LSM14A: variants seen among roughly 807,000 people sequenced by gnomAD.
The protein encoded by LSM14A is LSM14A mRNA processing body assembly factor, also known as protein LSM14 homolog A.
In LSM14A, 14 loss-of-function variants were observed where a neutral mutation model predicts 52.4. The ratio of observed to expected loss-of-function variants is 0.27; its 90% confidence interval spans 0.18 to 0.42. The LOEUF (loss-of-function observed/expected upper bound fraction) is 0.42. Ranked by LOEUF, LSM14A falls within the 10% of genes least tolerant of loss-of-function variation. The pLI, the probability that LSM14A is intolerant of heterozygous loss-of-function variation, is 1.00. For missense variants in LSM14A, 417 were observed against 581.8 expected (o/e 0.72, Z 2.91); for synonymous variants, 185 against 200.3 (o/e 0.92, Z 0.64).
intron 6 of LSM14A, among the ~76,000 whole-genome samples, chr19:34,216,705 A>C (rs1395352235): frequency 6.6e-6 from 1 of 151,660 alleles, no homozygotes; most frequent in Admixed American, 6.6e-5. Flanking sequence ...TTTTCCACCC[A>C]CCTCAGCCTC....
chr19:34,222,393 T>C lies in LSM14A; in HGVS notation c.1368+655T>C, dbSNP rs1181677422. Among the ~76,000 whole-genome samples the C allele has an allele frequency of 3.3e-5, 5 of 152,262 alleles. 1 individual carries two copies. The highest frequency in any genetic ancestry group is 4.1e-4 in the South Asian group (2 of 4,836). ...TGCTAGAGAATTCTGTAACTCTGTATAGTAGCCTTATGTGTATAATGTAGC... is the reference window on the plus strand; with the variant it reads ...TGCTAGAGAATTCTGTAACTCTGTACAGTAGCCTTATGTGTATAATGTAGC... On this transcript the variant is annotated intron_variant, in intron 9 of 9. Transcript: ENST00000544216.
intron 1 of LSM14A, among the ~76,000 whole-genome samples, chr19:34,191,226 C>T (rs769373088): frequency 2.6e-5 from 4 of 152,152 alleles, no homozygotes; most frequent in African/African-American, 4.8e-5. Flanking sequence ...GCTACCCTTT[C>T]AATGTTGTTT....
In LSM14A at chr19:34,216,641, G is replaced by A. The variant is rs576979969; in HGVS notation, c.781+980G>A. Among the ~76,000 whole-genome samples the A allele has an allele frequency of 7.6e-3, 1,151 of 152,104 alleles. 7 individuals are homozygous for A. The highest frequency in any genetic ancestry group is 9.6e-3 in the Non-Finnish European group (652 of 68,010). ...TACCCAGCTAATTTTTGTATTTTTA[G>A]TAGAAACAGGGCTTTGCCATGTTGG... is the stretch of plus-strand genomic sequence containing the variant. On this transcript the variant is annotated intron_variant, in intron 6 of 9. Transcript: ENST00000544216.
intron 3 of LSM14A, among the ~76,000 whole-genome samples, chr19:34,202,418 G>C (rs2071365905): frequency 6.6e-6 from 1 of 150,424 alleles, no homozygotes; most frequent in South Asian, 2.1e-4. Flanking sequence ...GCTTGAGCCT[G>C]AGAGGTAGAG....
At position 34,208,962 on chromosome 19, in the gene LSM14A, C is replaced by T; in HGVS notation, c.449C>T (p.Thr150Ile). 6.2e-7 allele frequency: 1 copy of T among 1,609,794 alleles called. No individual in the cohort carries two copies. The highest frequency in any genetic ancestry group is 1.7e-5 in the Admixed American group (1 of 59,786). The change falls in exon 4 of 10, where the codon ACA becomes ATA. Residue 150 changes from threonine (T) to isoleucine (I), a missense_variant. Physicochemically the swap from Thr to Ile is moderately conservative, Grantham distance 89 (BLOSUM62 -1). Transcript: ENST00000544216. ...TCTTTGACATCCTTTGGAACAGAAA[C>T]ATCAAACAGTGGTACCTTACCCCAA... is the stretch of plus-strand genomic sequence containing the variant. ...GSSLTSFGTETSNSGTLPQSS... is the reference protein window; with the variant it reads ...GSSLTSFGTEISNSGTLPQSS...
intron 9 of LSM14A, among the ~76,000 whole-genome samples, chr19:34,226,838 A>G (rs141426907): frequency 6.2e-4 from 95 of 152,274 alleles, no homozygotes; most frequent in African/African-American, 2.0e-3. Context: ...TCAGCTTTCT[A>G]CTTTTCAGAG....
chr19:34,186,562 A>G (rs1472654983), intron 1 of LSM14A, among the ~76,000 whole-genome samples: 1 of 152,158 alleles, frequency 6.6e-6, no homozygotes, highest in African/African-American at 2.4e-5. Flanking sequence ...TTGTATATGC[A>G]CATCTGATTT....
At chr19:34,180,848 C>T (rs573635503) in intron 1 of LSM14A, among the ~76,000 whole-genome samples, 9 of 152,266 alleles carry the variant, frequency 5.9e-5, no homozygotes, top group African/African-American at 1.2e-4. Flanking sequence ...CGCTAGCCTC[C>T]GCAGTCATGG....
intron 1 of LSM14A, among the ~76,000 whole-genome samples, chr19:34,190,628 C>T (rs2145602035): frequency 6.7e-6 from 1 of 150,228 alleles, no homozygotes; most frequent in East Asian, 1.9e-4. Flanking sequence ...TGTTGAGTTT[C>T]CTCTCTCTCC....
At chr19:34,226,211 T>C (rs1187781056) in intron 9 of LSM14A, among the ~76,000 whole-genome samples, 10 of 152,166 alleles carry the variant, frequency 6.6e-5, no homozygotes, top group Admixed American at 6.5e-4. Context: ...TATATGCTGC[T>C]GTCAGGGAGG....
At chr19:34,186,509 C>T (rs1404467145) in intron 1 of LSM14A, among the ~76,000 whole-genome samples, 1 of 152,150 alleles carries the variant, frequency 6.6e-6, no homozygotes, top group Non-Finnish European at 1.5e-5. Context: ...TTTACCAGGC[C>T]TCCTTAATCC....
rs2073402632 is a variant in LSM14A at position 34,227,491 on chromosome 19, T to C, written c.*103T>C. 1 of 868,140 alleles carries C rather than the reference T, an allele frequency of 1.2e-6. No homozygotes were observed. The highest frequency in any genetic ancestry group is 1.8e-5 in the African/African-American group (1 of 56,632). The allele number at this position is 868,140 out of a possible 1,614,324, so 53.8% of individuals were successfully genotyped here. ...AATGAAGAAGTGAATTCGCTGTACATTTGTCACCAGCACTGGGTTTTTGTT... is the reference window on the plus strand; with the variant it reads ...AATGAAGAAGTGAATTCGCTGTACACTTGTCACCAGCACTGGGTTTTTGTT... On this transcript the variant is annotated 3_prime_UTR_variant, in exon 10 of 10. Coordinates refer to ENST00000544216, the MANE Select transcript of LSM14A (RefSeq NM_015578.4).
chr19:34,179,399 C>T (rs1290638259), intron 1 of LSM14A, among the ~76,000 whole-genome samples: 4 of 152,136 alleles, frequency 2.6e-5, no homozygotes, highest in Non-Finnish European at 5.9e-5. Flanking sequence ...TCTTGCATTA[C>T]TTGGGGATCT....
chr19:34,214,934 T>A (rs950213406), intron 4 of LSM14A, among the ~76,000 whole-genome samples, 190 bp from the exon 5 acceptor site: 1 of 152,084 alleles, frequency 6.6e-6, no homozygotes, highest in Non-Finnish European at 1.5e-5. Flanking sequence ...ATTATTATTT[T>A]TTATTTTTAA....
intron 3 of LSM14A, among the ~76,000 whole-genome samples, chr19:34,206,244 G>T (rs1457784990): frequency 6.6e-6 from 1 of 152,166 alleles, no homozygotes; most frequent in African/African-American, 2.4e-5. Context: ...CATGATGCAT[G>T]CCTGTAGTCC....
Position 34,208,922 on chromosome 19 carries a change from CTT to C in LSM14A, c.416-5_416-4del. ...ATTTTTTTATCATTTAAAAACATCT[CTT>C]TAAGCTGGAAGCTCTTTGACATCCT... is the stretch of plus-strand genomic sequence containing the variant. On this transcript the variant is annotated splice_polypyrimidine_tract_variant and splice_region_variant and intron_variant, in intron 3 of 9. Transcript: ENST00000544216. 2 of 1,570,276 alleles carry C rather than the reference CTT, an allele frequency of 1.3e-6. No individual in the cohort carries two copies. The highest frequency in any genetic ancestry group is 1.7e-6 in the Non-Finnish European group (2 of 1,159,508).
chr19:34,188,798 G>A (rs975823607), intron 1 of LSM14A, among the ~76,000 whole-genome samples: 1 of 151,190 alleles, frequency 6.6e-6, no homozygotes, highest in African/African-American at 2.4e-5. Flanking sequence ...GTTTTTTTAT[G>A]GCTGAATAAT....
At chr19:34,185,164 G>C (rs908187964) in intron 1 of LSM14A, among the ~76,000 whole-genome samples, 1 of 152,278 alleles carries the variant, frequency 6.6e-6, no homozygotes, top group Non-Finnish European at 1.5e-5. Context: ...AGTTAAGTGC[G>C]AAGAAGTTGA....
intron 1 of LSM14A, among the ~76,000 whole-genome samples, chr19:34,176,223 T>A (rs1349784264): frequency 3.3e-5 from 5 of 152,314 alleles, no homozygotes; most frequent in East Asian, 1.9e-4. Flanking sequence ...TTACTGTTTT[T>A]AAACTATGGA....
Sources: gnomAD v4.1 joint callset for allele counts (sites outside exome capture counted in the v4.1 genomes callset) on GRCh38, gnomAD v4.1.1 for gene constraint, MANE v1.5 for transcripts, NCBI Gene and HGNC (gene_info 2026-07-23, HGNC 2026-07-21) for gene names.